Variants in CDH12 observed in about 807,000 individuals in gnomAD.
CDH12 encodes the protein cadherin-12.
In CDH12, 41 loss-of-function variants were observed where a neutral mutation model predicts 74.1. The ratio of observed to expected loss-of-function variants is 0.55; its 90% CI spans 0.43 to 0.72. CDH12 has a LOEUF of 0.72. Among genes scored for constraint, CDH12 ranks in the 30% least tolerant of loss-of-function variants. CDH12 has a pLI of 0.00. For missense variants in CDH12, 945 were observed against 977.2 expected (o/e 0.97, Z 0.44); for synonymous variants, 399 against 355.0 (o/e 1.12, Z -1.39).
At chr5:22,487,015 A>T (rs1746630356) in intron 2 of CDH12, among the ~76,000 whole-genome samples, 1 of 145,794 alleles carries the variant, frequency 6.9e-6, no homozygotes, top group Admixed American at 7.1e-5. Flanking sequence ...TTAAATGCAT[A>T]CTGAGGAAAA....
At chr5:22,110,829 G>A (rs1035484334) in intron 4 of CDH12, among the ~76,000 whole-genome samples, 1 of 151,972 alleles carries the variant, frequency 6.6e-6, no homozygotes, top group Non-Finnish European at 1.5e-5. Flanking sequence ...TTACAAAGGC[G>A]GTTCAGTTTT....
At chr5:21,827,942 C>A (rs1285262257) in intron 8 of CDH12, among the ~76,000 whole-genome samples, 2 of 151,984 alleles carry the variant, frequency 1.3e-5, no homozygotes, top group East Asian at 3.9e-4. Flanking sequence ...ATATTTAAAC[C>A]TTTGTTTATG....
intron 4 of CDH12, among the ~76,000 whole-genome samples, chr5:22,082,505 A>G (rs1742809479): frequency 6.6e-6 from 1 of 152,190 alleles, no homozygotes; most frequent in Admixed American, 6.6e-5. Flanking sequence ...GTGGGACAGA[A>G]GTATATGGTG....
intron 4 of CDH12, among the ~76,000 whole-genome samples, chr5:22,190,870 G>A (rs1304638457): frequency 5.3e-5 from 8 of 152,140 alleles, no homozygotes; most frequent in Non-Finnish European, 7.3e-5. Flanking sequence ...CCCACAACTG[G>A]CGCATGCCAA....
intron 4 of CDH12, among the ~76,000 whole-genome samples, chr5:22,200,855 A>G (rs1020801100): frequency 6.6e-6 from 1 of 152,216 alleles, no homozygotes; most frequent in Admixed American, 6.5e-5. Flanking sequence ...GTAGTGAATG[A>G]CACAGGCATA....
At chr5:22,730,567 C>T (rs1744382509) in intron 1 of CDH12, among the ~76,000 whole-genome samples, 1 of 151,782 alleles carries the variant, frequency 6.6e-6, no homozygotes, top group African/African-American at 2.4e-5. Context: ...TTCACACCTT[C>T]TGTCAAAGAA....
chr5:22,114,840 C>A (rs538642569), intron 4 of CDH12, among the ~76,000 whole-genome samples: 1 of 152,200 alleles, frequency 6.6e-6, no homozygotes, highest in Non-Finnish European at 1.5e-5. Flanking sequence ...AGGGAGAAAT[C>A]AAGTAAGAGT....
intron 1 of CDH12, among the ~76,000 whole-genome samples, chr5:22,843,526 T>G (rs915816319): frequency 1.4e-4 from 21 of 151,974 alleles, no homozygotes; most frequent in African/African-American, 4.6e-4. Context: ...TTAGGAAGGA[T>G]CAATGCCAAA....
chr5:21,920,516 C>G (rs532001712), intron 6 of CDH12, among the ~76,000 whole-genome samples: 1 of 151,778 alleles, frequency 6.6e-6, no homozygotes, highest in Non-Finnish European at 1.5e-5. Context: ...CATCACACAC[C>G]GGGGCCTGTC....
At position 21,942,396 on chromosome 5, in the gene CDH12, A is replaced by ATG. The variant is rs1232635382; in HGVS notation, c.526+32693_526+32694dup. Among the ~76,000 whole-genome samples, 139 of 146,824 alleles carry ATG rather than the reference A, an allele frequency of 9.5e-4. 1 individual carries two copies. Among genetic ancestry groups the ATG allele is most frequent in the African/African-American group, 3.5e-3 (135 of 38,566 alleles). On this transcript the variant is annotated intron_variant, in intron 6 of 14. Transcript: ENST00000382254. Reference sequence around the variant, plus strand: ...CACACACACACACACACACATATATATGTGTGGGTGTGTATTAGGAAAAGT... The same window carrying ATG: ...CACACACACACACACACACATATATATGTGTGTGGGTGTGTATTAGGAAAAGT...
intron 3 of CDH12, among the ~76,000 whole-genome samples, chr5:22,389,640 T>A (rs907446761): frequency 1.5e-4 from 21 of 140,762 alleles, no homozygotes; most frequent in African/African-American, 5.5e-4. Context: ...TATTTTTTAA[T>A]AAAAAGACAA....
intron 7 of CDH12, among the ~76,000 whole-genome samples, chr5:21,846,908 A>G (rs1215920439): frequency 6.6e-6 from 1 of 152,120 alleles, no homozygotes; most frequent in Non-Finnish European, 1.5e-5. Context: ...TCCAAATTCT[A>G]GAGATTTAGA....
chr5:22,813,256 G>T (rs1397103662), intron 1 of CDH12, among the ~76,000 whole-genome samples: 1 of 152,172 alleles, frequency 6.6e-6, no homozygotes, highest in East Asian at 1.9e-4. Flanking sequence ...TAGAGGTGTA[G>T]TATCTTGGAC....
Position 22,774,262 on chromosome 5 carries a change from T to C in CDH12, c.-523+78796A>G, listed in dbSNP as rs6883458. 9.2e-3 allele frequency among the ~76,000 whole-genome samples: 1,408 copies of C among 152,272 alleles called. 24 individuals carry two copies. The highest frequency in any genetic ancestry group is 0.032 in the African/African-American group (1,335 of 41,572). The stretch of plus-strand genomic sequence containing the variant: ...AATGGTAGTTTCAATAAAGAAAATG[T>C]GATACATATAAACCATGGAATACTA... On this transcript the variant is annotated intron_variant, in intron 1 of 14. Transcript: ENST00000382254.
chr5:21,808,886 A>T lies in CDH12; in HGVS notation c.1003-6466T>A, dbSNP rs576706978. On this transcript the variant is annotated intron_variant, in intron 9 of 14. Coordinates refer to ENST00000382254, the MANE Select transcript of CDH12 (RefSeq NM_004061.5). The stretch of plus-strand genomic sequence containing the variant: ...GTGAGAATGTCCCTGTAACAAAGGG[A>T]AAAACAATGAAATGTAGTTAAGTTT... 5.9e-5 allele frequency among the ~76,000 whole-genome samples: 9 copies of T among 152,252 alleles called. No homozygotes were observed. The South Asian group carries it at 1.9e-3, about 32-fold the overall frequency.
intron 3 of CDH12, among the ~76,000 whole-genome samples, chr5:22,224,720 A>G (rs1389498061): frequency 6.6e-6 from 1 of 152,024 alleles, no homozygotes. Context: ...GTTGTCGGCA[A>G]TATCAATTTA....
At chr5:21,934,517 C>T (rs1280899213) in intron 6 of CDH12, among the ~76,000 whole-genome samples, 1 of 152,070 alleles carries the variant, frequency 6.6e-6, no homozygotes, top group Non-Finnish European at 1.5e-5. Context: ...AATATCAATG[C>T]ATAAATGGGG....
intron 8 of CDH12, among the ~76,000 whole-genome samples, chr5:21,830,668 A>G (rs1254033570): frequency 6.6e-6 from 1 of 152,148 alleles, no homozygotes; most frequent in Non-Finnish European, 1.5e-5. Context: ...AGTAAATAGC[A>G]GAGCTGTGTT....
intron 1 of CDH12, among the ~76,000 whole-genome samples, chr5:22,576,494 A>G (rs1739794956): frequency 6.6e-6 from 1 of 152,162 alleles, no homozygotes; most frequent in Non-Finnish European, 1.5e-5. Flanking sequence ...CCTTAAATAT[A>G]TGGAGAAATA....
Sources: allele counts gnomAD v4.1 joint callset (sites outside exome capture counted in the v4.1 genomes callset), GRCh38; gene constraint gnomAD v4.1.1; transcripts MANE v1.5; gene names NCBI Gene and HGNC (gene_info 2026-07-23, HGNC 2026-07-21).